The following MOB3B variants were observed in gnomAD, a reference collection of about 807,000 sequenced individuals.
The protein encoded by MOB3B is MOB kinase activator-like 2B.
Under a neutral mutation model 18.7 loss-of-function variants are expected in MOB3B, and 7 were observed. That is an observed-to-expected ratio of 0.37 (90% CI 0.21 to 0.70). The LOEUF (loss-of-function observed/expected upper bound fraction) is 0.70, where lower values mean the gene tolerates loss of function less well. MOB3B is among the 30% of genes least tolerant of loss of function. The pLI is 0.52. For synonymous variants in MOB3B, 111 were observed against 99.9 expected (o/e 1.11, Z -0.66); for missense variants, 253 against 281.3 (o/e 0.90, Z 0.72).
At chr9:27,507,954 T>C (rs542235693) in intron 1 of MOB3B, among the ~76,000 whole-genome samples, 32 of 152,350 alleles carry the variant, frequency 2.1e-4, no homozygotes, top group African/African-American at 7.7e-4. Flanking sequence ...TCTGTTGAAA[T>C]GGATTTAGCA....
intron 2 of MOB3B, among the ~76,000 whole-genome samples, chr9:27,442,223 T>C (rs1193375604): frequency 1.3e-5 from 2 of 152,180 alleles, no homozygotes; most frequent in Non-Finnish European, 2.9e-5. Flanking sequence ...ACACAAAAGA[T>C]CAGGATTTTC....
At chr9:27,402,322 C>T (rs1821897384) in intron 2 of MOB3B, among the ~76,000 whole-genome samples, 1 of 152,186 alleles carries the variant, frequency 6.6e-6, no homozygotes, top group Non-Finnish European at 1.5e-5. Context: ...AATGCAAGCT[C>T]CATGAGAGCC....
rs773044367 is a variant in MOB3B, at chr9:27,344,930, G to A, written c.621+14104C>T. Among the ~76,000 whole-genome samples the A allele has an allele frequency of 6.8e-4, 104 of 152,370 alleles. 1 individual carries two copies. Among genetic ancestry groups the A allele is most frequent in the African/African-American group, 2.3e-3 (95 of 41,596 alleles). On this transcript the variant is annotated intron_variant, in intron 3 of 3. Coordinates refer to ENST00000262244, the MANE Select transcript of MOB3B (RefSeq NM_024761.5). ...AGCTGCTTACAGTCTCGGCCTGGCC[G>A]CGACAGGGTCAACAACCTAAATGCC... is the stretch of plus-strand genomic sequence containing the variant.
At chr9:27,343,478 TAAAAA>T (rs779124158) in intron 3 of MOB3B, among the ~76,000 whole-genome samples, 2 of 84,316 alleles carry the variant, frequency 2.4e-5, no homozygotes, top group African/African-American at 1.0e-4. Flanking sequence ...CAATAAATAC[TAAAAA>T]AAAAAAAAAA....
At chr9:27,504,815 G>C (rs1467741071) in intron 1 of MOB3B, among the ~76,000 whole-genome samples, 2 of 152,190 alleles carry the variant, frequency 1.3e-5, no homozygotes, top group Non-Finnish European at 2.9e-5. Context: ...TTTACAGTTT[G>C]GAGGTCAGGA....
At chr9:27,469,318 T>C (rs1819436420) in intron 1 of MOB3B, among the ~76,000 whole-genome samples, 1 of 152,124 alleles carries the variant, frequency 6.6e-6, no homozygotes, top group East Asian at 1.9e-4. Flanking sequence ...TCACCTCCTT[T>C]AGTGAAAACT....
At chr9:27,480,690 C>A (rs1819635749) in intron 1 of MOB3B, among the ~76,000 whole-genome samples, 1 of 152,040 alleles carries the variant, frequency 6.6e-6, no homozygotes, top group Non-Finnish European at 1.5e-5. Context: ...CTGGGCCTTC[C>A]AAAGTGCTGG....
intron 2 of MOB3B, among the ~76,000 whole-genome samples, chr9:27,403,286 A>C (rs1821912837): frequency 6.6e-6 from 1 of 152,224 alleles, no homozygotes; most frequent in South Asian, 2.1e-4. Context: ...GGGGAGGAGA[A>C]TGTTCTCTCT....
intron 2 of MOB3B, among the ~76,000 whole-genome samples, chr9:27,390,716 G>A (rs1821716055): frequency 1.3e-5 from 2 of 152,186 alleles, no homozygotes; most frequent in African/African-American, 4.8e-5. Flanking sequence ...GAAGGAATCA[G>A]AGGGTGCAAT....
rs1284307647 is a variant in MOB3B, at chr9:27,329,408, A to G, written c.*1179T>C. The stretch of plus-strand genomic sequence containing the variant: ...GGAATAGAAAAATTGGAAAGGATGA[A>G]AGAAGGAAGTTAGCTCCAGCTCCAC... On this transcript the variant is annotated 3_prime_UTR_variant, in exon 4 of 4. Transcript: ENST00000262244. 1 of 152,156 alleles carries G rather than the reference A, an allele frequency of 6.6e-6. No individual in the cohort carries two copies. Among genetic ancestry groups the G allele is most frequent in the African/African-American group, 2.4e-5 (1 of 41,414 alleles). 9.4% of individuals were successfully genotyped at this position (152,156 alleles called of 1,614,324 possible).
At chr9:27,348,431 T>C (rs1821060529) in intron 3 of MOB3B, among the ~76,000 whole-genome samples, 2 of 152,064 alleles carry the variant, frequency 1.3e-5, no homozygotes, top group Non-Finnish European at 2.9e-5. Flanking sequence ...GGCAGGAGGA[T>C]CACTTGAGTT....
intron 2 of MOB3B, among the ~76,000 whole-genome samples, chr9:27,390,178 C>G (rs149690043): frequency 6.6e-6 from 1 of 152,090 alleles, no homozygotes; most frequent in African/African-American, 2.4e-5. Context: ...ACCTCCGCCT[C>G]CCAAGTTCAA....
chr9:27,441,546 G>T (rs1039521074), intron 2 of MOB3B, among the ~76,000 whole-genome samples: 1 of 152,144 alleles, frequency 6.6e-6, no homozygotes, highest in Non-Finnish European at 1.5e-5. Context: ...CTACAGTGTG[G>T]GTATGCTGGA....
At chr9:27,511,216 CA>C (rs35317203) in intron 1 of MOB3B, among the ~76,000 whole-genome samples, 13 of 145,838 alleles carry the variant, frequency 8.9e-5, no homozygotes, top group African/African-American at 2.5e-4. Context: ...TCATCTTTGA[CA>C]AAAAAAAAAA....
intron 2 of MOB3B, among the ~76,000 whole-genome samples, chr9:27,412,363 TG>T (rs1045755681): frequency 1.1e-4 from 6 of 54,006 alleles, no homozygotes; most frequent in African/African-American, 3.5e-4. Context: ...TAATAAAGGG[TG>T]GGGGTGGGGT....
At chr9:27,458,037 A>T (rs1350231395) in intron 1 of MOB3B, among the ~76,000 whole-genome samples, 1 of 152,160 alleles carries the variant, frequency 6.6e-6, no homozygotes, top group African/African-American at 2.4e-5. Context: ...CTTGTTTTTT[A>T]AAAAAACAGA....
In MOB3B at chr9:27,330,385, C is replaced by T; in HGVS notation, c.*202G>A. On this transcript the variant is annotated 3_prime_UTR_variant, in exon 4 of 4. Coordinates refer to ENST00000262244, the MANE Select transcript of MOB3B (RefSeq NM_024761.5). ...TCTTTCACGTTGTGGTCTGCCTCGT[C>T]CACAGGTCTGGGCTAGCAGCACTCA... 1 of 594,834 alleles carries T rather than the reference C, an allele frequency of 1.7e-6. No individual in the cohort carries two copies. Among genetic ancestry groups the T allele is most frequent in the Non-Finnish European group, 2.9e-6 (1 of 346,884 alleles). 36.8% of individuals were successfully genotyped at this position (594,834 alleles called of 1,614,324 possible).
chr9:27,336,741 T>C (rs1405113547), intron 3 of MOB3B, among the ~76,000 whole-genome samples: 1 of 152,008 alleles, frequency 6.6e-6, no homozygotes, highest in African/African-American at 2.4e-5. Context: ...ATAAAGGAAA[T>C]TGGGCTCTCT....
chr9:27,508,291 A>G (rs1820088902), intron 1 of MOB3B, among the ~76,000 whole-genome samples: 1 of 152,212 alleles, frequency 6.6e-6, no homozygotes, highest in African/African-American at 2.4e-5. Flanking sequence ...AATAAACCAT[A>G]ACAAGATCTA....
Sources: gnomAD v4.1 joint callset for allele counts (sites outside exome capture counted in the v4.1 genomes callset) on GRCh38, gnomAD v4.1.1 for gene constraint, MANE v1.5 for transcripts, NCBI Gene and HGNC (gene_info 2026-07-23, HGNC 2026-07-21) for gene names.